SRGAP3: variants seen among roughly 807,000 people sequenced by gnomAD.
SRGAP3 encodes SLIT-ROBO Rho GTPase-activating protein 3.
In SRGAP3, 39 loss-of-function variants were observed where a neutral mutation model predicts 121.1. That is an observed-to-expected ratio of 0.32 (90% confidence interval 0.25 to 0.42). The LOEUF is 0.42. Ranked by LOEUF, SRGAP3 falls within the 10% of genes least tolerant of loss-of-function variation. The probability of loss-of-function intolerance (pLI) is 1.00; values close to 1 mark genes in which losing one functional copy is unlikely to be tolerated. For missense variants in SRGAP3, 1,213 were observed against 1,470.6 expected (o/e 0.82, Z 2.86); for synonymous variants, 601 against 570.0 (o/e 1.05, Z -0.77).
intron 1 of SRGAP3, among the ~76,000 whole-genome samples, chr3:9,360,500 A>G (rs1428837729): frequency 6.6e-6 from 1 of 152,208 alleles, no homozygotes; most frequent in Non-Finnish European, 1.5e-5. Context: ...ATTGTTTTCC[A>G]ATGGACGTGT....
At chr3:9,228,783 C>A (rs936115649) in intron 1 of SRGAP3, among the ~76,000 whole-genome samples, 1 of 152,176 alleles carries the variant, frequency 6.6e-6, no homozygotes, top group East Asian at 1.9e-4. Context: ...AACTCTAGGC[C>A]GGGCGCGGTG....
chr3:9,096,980 T>TATAC (rs1337002294), intron 3 of SRGAP3, among the ~76,000 whole-genome samples: 44 of 70,980 alleles, frequency 6.2e-4, no homozygotes, highest in Admixed American at 9.4e-4. Flanking sequence ...TATATATATA[T>TATAC]ACACATACAC....
chr3:9,186,368 A>T (rs1951594811), intron 1 of SRGAP3, among the ~76,000 whole-genome samples: 1 of 152,122 alleles, frequency 6.6e-6, no homozygotes, highest in Admixed American at 6.6e-5. Flanking sequence ...GAGTAATATA[A>T]ATCTTTCTTT....
chr3:9,248,676 A>G (rs1235448608), intron 1 of SRGAP3, among the ~76,000 whole-genome samples: 2 of 152,116 alleles, frequency 1.3e-5, no homozygotes, highest in Non-Finnish European at 2.9e-5. Context: ...TGCCCATTCC[A>G]TAATCCACAC....
chr3:9,275,787 TA>T (rs1177072929), intron 3 of SRGAP3, among the ~76,000 whole-genome samples: 5 of 152,318 alleles, frequency 3.3e-5, no homozygotes, highest in Non-Finnish European at 5.9e-5. Context: ...CTTTAAAAAT[TA>T]CCCAGTTTCA....
At chr3:9,233,488 A>G (rs1441658263) in intron 1 of SRGAP3, among the ~76,000 whole-genome samples, 1 of 152,172 alleles carries the variant, frequency 6.6e-6, no homozygotes, top group East Asian at 1.9e-4. Context: ...TCCTGAATAG[A>G]GCTATTATAA....
intron 1 of SRGAP3, among the ~76,000 whole-genome samples, chr3:9,179,925 C>G (rs1256844772): frequency 6.6e-6 from 1 of 152,254 alleles, no homozygotes; most frequent in African/African-American, 2.4e-5. Flanking sequence ...AGGTCCAGCA[C>G]AGGGCCAGAT....
intron 1 of SRGAP3, among the ~76,000 whole-genome samples, chr3:9,227,907 A>C (rs931580305): frequency 6.6e-6 from 1 of 152,264 alleles, no homozygotes; most frequent in Non-Finnish European, 1.5e-5. Context: ...CAAAGGTTTT[A>C]CTGGAAGTAA....
At chr3:9,197,655 C>T (rs1450882496) in intron 1 of SRGAP3, among the ~76,000 whole-genome samples, 1 of 152,206 alleles carries the variant, frequency 6.6e-6, no homozygotes, top group Non-Finnish European at 1.5e-5. Context: ...TTGTGAGTGG[C>T]TCTGAAACCC....
chr3:9,218,765 C>T lies in SRGAP3; in HGVS notation c.67+30120G>A, dbSNP rs535977969. On this transcript the variant is annotated intron_variant, in intron 1 of 21. Coordinates refer to ENST00000383836, the MANE Select transcript of SRGAP3 (RefSeq NM_014850.4). The surrounding 1 kb of genome is among the most constrained non-coding windows in gnomAD (Gnocchi z 5.3). ...TTGGCTCACTGCAACCTCAACCTCC[C>T]GGATTCAAGTGATCCTCCCACCTCA... is the stretch of plus-strand genomic sequence containing the variant. Among the ~76,000 whole-genome samples, 37 of 152,056 alleles carry T rather than the reference C, an allele frequency of 2.4e-4. No individual in the cohort carries two copies. Among genetic ancestry groups the T allele is most frequent in the Admixed American group, 9.8e-4 (15 of 15,274 alleles).
In SRGAP3 at chr3:9,111,661, T is replaced by C. The variant is rs60200816; in HGVS notation, c.261-6819A>G. On this transcript the variant is annotated intron_variant, in intron 2 of 21. Transcript: ENST00000383836. Reference sequence around the variant, plus strand: ...CCAGGCTGCAGAAAACTTGAGCCTCTGCCTTCCCTGTTCCTGGGGTTGTTT... The same window carrying C: ...CCAGGCTGCAGAAAACTTGAGCCTCCGCCTTCCCTGTTCCTGGGGTTGTTT... Among the ~76,000 whole-genome samples, 16 of 152,310 alleles carry C rather than the reference T, an allele frequency of 1.1e-4. No homozygotes were observed. In the East Asian group the frequency reaches 2.9e-3, roughly 28 times the overall value.
chr3:9,055,827 T>A (rs1945792927), intron 8 of SRGAP3, among the ~76,000 whole-genome samples: 1 of 152,202 alleles, frequency 6.6e-6, no homozygotes, highest in African/African-American at 2.4e-5. Context: ...AATATACATA[T>A]GCTTTAGTTT....
chr3:9,063,850 A>G (rs1284779868), intron 5 of SRGAP3, among the ~76,000 whole-genome samples: 3 of 152,128 alleles, frequency 2.0e-5, no homozygotes, highest in Non-Finnish European at 4.4e-5. Context: ...ACCACACCCT[A>G]CTAAAGGACT....
At chr3:9,232,271 CCTTA>C (rs1477260514) in intron 1 of SRGAP3, among the ~76,000 whole-genome samples, 3 of 152,134 alleles carry the variant, frequency 2.0e-5, no homozygotes, top group Non-Finnish European at 4.4e-5. Flanking sequence ...CCAACAAAGT[CCTTA>C]CTTACTGTCA....
chr3:9,122,641 G>A (rs1046657578), intron 2 of SRGAP3, among the ~76,000 whole-genome samples: 2 of 151,056 alleles, frequency 1.3e-5, no homozygotes, highest in African/African-American at 4.9e-5. Context: ...CCTGGGAGGC[G>A]GAGCTTGCAG....
chr3:9,080,664 G>A (rs183866231), intron 3 of SRGAP3, among the ~76,000 whole-genome samples: 7 of 152,290 alleles, frequency 4.6e-5, no homozygotes, highest in Admixed American at 6.5e-5. Context: ...GGAGGTGAGC[G>A]GTGGGTGAGC....
chr3:9,256,558 T>C (rs1157465999), intron 3 of SRGAP3, among the ~76,000 whole-genome samples: 2 of 148,458 alleles, frequency 1.3e-5, no homozygotes, highest in South Asian at 2.1e-4. Context: ...ACAAGAACAG[T>C]TTCTAGAGCT....
At chr3:9,101,970 T>C (rs1213904732) in intron 3 of SRGAP3, among the ~76,000 whole-genome samples, 3 of 152,214 alleles carry the variant, frequency 2.0e-5, no homozygotes, top group African/African-American at 7.2e-5. Context: ...AGGTAAGTTA[T>C]TAAGTCAAAC....
At chr3:9,289,634 T>C (rs1161489157) in intron 3 of SRGAP3, among the ~76,000 whole-genome samples, 1 of 152,192 alleles carries the variant, frequency 6.6e-6, no homozygotes, top group African/African-American at 2.4e-5. Context: ...CAATTGTTTT[T>C]ATCCTTTAGG....
Sources: allele counts gnomAD v4.1 joint callset (sites outside exome capture counted in the v4.1 genomes callset), GRCh38; gene constraint gnomAD v4.1.1; non-coding constraint Gnocchi (gnomAD v3.1); transcripts MANE v1.5; gene names NCBI Gene and HGNC (gene_info 2026-07-23, HGNC 2026-07-21).